Variants in RAF1 observed in about 807,000 individuals in gnomAD.
The protein encoded by RAF1 is RAF proto-oncogene serine/threonine-protein kinase.
A neutral mutation model predicts 81.1 loss-of-function variants in RAF1; 27 were observed. That is an observed-to-expected ratio of 0.33 (90% CI 0.25 to 0.46). The LOEUF is 0.46. Ranked by LOEUF, RAF1 falls within the 20% of genes least tolerant of loss-of-function variation. The pLI is 1.00. For synonymous variants in RAF1, 298 were observed against 294.0 expected (o/e 1.01, Z -0.14); for missense variants, 598 against 826.0 (o/e 0.72, Z 3.38).
intron 10 of RAF1, 124 bp from the exon 10 acceptor site, chr3:12,599,932 A>T: frequency 5.0e-6 from 6 of 1,191,054 alleles, no homozygotes; most frequent in Non-Finnish European, 6.2e-6. Flanking sequence ...CATATTAACC[A>T]TACTTCCAAT....
At position 12,612,054 on chromosome 3, in the gene RAF1, C is replaced by T. The variant is rs750296170; in HGVS notation, c.216G>A (p.Val72=). The T allele has an allele frequency of 6.2e-6, 10 of 1,613,978 alleles. No homozygotes were observed. The highest frequency in any genetic ancestry group is 1.1e-5 in the South Asian group (1 of 91,084). Residue 72 remains valine (V), a synonymous_variant, in exon 3 of 18, where the codon GTG becomes GTA. Coordinates refer to ENST00000442415, the MANE Select transcript of RAF1 (RefSeq NM_001354689.3). ...AGTCATGCAAGCTCATTCCATTTCG[C>T]ACATTGACCTACAAACAAAGGACCA... is the stretch of plus-strand genomic sequence containing the variant.
chr3:12,583,902 C>T lies in RAF1; in HGVS notation c.*612G>A. ...GCTGAGATGCGGATTGGCCGAGTGC[C>T]TTGCCTGGAAAACCATCCCAATGCA... On this transcript the variant is annotated 3_prime_UTR_variant, in exon 18 of 18. Coordinates refer to ENST00000442415, the MANE Select transcript of RAF1 (RefSeq NM_001354689.3). The T allele has an allele frequency of 4.3e-6, 1 of 235,278 alleles. No individual in the cohort carries two copies. Among genetic ancestry groups the T allele is most frequent in the East Asian group, 6.0e-5 (1 of 16,620 alleles). 14.6% of individuals were successfully genotyped at this position (235,278 alleles called of 1,614,324 possible). A position where few individuals can be genotyped will look rare whatever the true frequency, so the allele number is the denominator to read the frequency against.
At chr3:12,611,659 C>T (rs572606621) in intron 3 of RAF1, among the ~76,000 whole-genome samples, 2 of 152,182 alleles carry the variant, frequency 1.3e-5, no homozygotes, top group East Asian at 3.9e-4. Context: ...GAGATCGCGC[C>T]ACTGCACTCC....
At chr3:12,647,938 T>C (rs2060406236) in intron 1 of RAF1, among the ~76,000 whole-genome samples, 1 of 152,228 alleles carries the variant, frequency 6.6e-6, no homozygotes, top group Non-Finnish European at 1.5e-5. Context: ...TTTAAAAGTG[T>C]AACTTTAAAA....
At chr3:12,623,717 C>G (rs998517977) in intron 1 of RAF1, among the ~76,000 whole-genome samples, 7 of 148,440 alleles carry the variant, frequency 4.7e-5, no homozygotes, top group Non-Finnish European at 8.9e-5. Context: ...TGGCATGAAC[C>G]TGGGAGGCGG....
rs140195748 is a variant in RAF1, at chr3:12,638,852, A to G, written c.-26-20105T>C. 4.3e-3 allele frequency among the ~76,000 whole-genome samples: 658 copies of G among 152,330 alleles called. 7 individuals carry two copies. The highest frequency in any genetic ancestry group is 0.014 in the African/African-American group (603 of 41,592). ...GGAGTTCGAGACCAACCTGGCCAAC[A>G]CGGCCTAAAAATACAAAAAAAGAAA... On this transcript the variant is annotated intron_variant, in intron 1 of 17. Transcript: ENST00000442415.
At chr3:12,624,897 AAAAAAC>A (rs1559456484) in intron 1 of RAF1, among the ~76,000 whole-genome samples, 38 of 139,028 alleles carry the variant, frequency 2.7e-4, no homozygotes, top group Middle Eastern at 3.7e-3. Flanking sequence ...AAAAAAAAAA[AAAAAAC>A]AAAAACAAAA....
chr3:12,604,038 A>G (rs779868312), intron 7 of RAF1, 98 bp downstream of exon 7: 76 of 1,373,992 alleles, frequency 5.5e-5, no homozygotes, highest in Non-Finnish European at 7.7e-5. Flanking sequence ...AAGTGTTGCA[A>G]CATTCCTTGA....
rs1209637576 is a variant in RAF1 at position 12,583,935 on chromosome 3, CCTT to C, written c.*576_*578del. On this transcript the variant is annotated 3_prime_UTR_variant, in exon 18 of 18. Transcript: ENST00000442415. ...GAAAACCATCCCAATGCACTGGACA[CCTT>C]AGAAGCTGTGAAAGGAGGACGTGTC... 2.1e-5 allele frequency: 5 copies of C among 242,350 alleles called. No individual in the cohort carries two copies. The highest frequency in any genetic ancestry group is 4.1e-5 in the Non-Finnish European group (5 of 122,686). 15.0% of individuals were successfully genotyped at this position (242,350 alleles called of 1,614,324 possible). A position where few individuals can be genotyped will look rare whatever the true frequency, so the allele number is the denominator to read the frequency against.
intron 3 of RAF1, 138 bp from the exon 4 acceptor site, chr3:12,609,473 A>G: frequency 1.5e-6 from 1 of 665,040 alleles, no homozygotes; most frequent in Non-Finnish European, 2.7e-6. Flanking sequence ...TTTAATTCAT[A>G]CAACAAACCT....
intron 1 of RAF1, among the ~76,000 whole-genome samples, chr3:12,625,652 G>T (rs2059681048): frequency 6.6e-6 from 1 of 151,996 alleles, no homozygotes; most frequent in African/African-American, 2.4e-5. Flanking sequence ...GACCTCCCAG[G>T]AAAGAATACT....
chr3:12,599,373 CA>C (rs1368669215), intron 11 of RAF1: 3 of 341,006 alleles, frequency 8.8e-6, no homozygotes, highest in Admixed American at 4.3e-5. Context: ...TCCATAGCAG[CA>C]GACTCTTGCT....
rs1470940163 is a variant in RAF1 at position 12,583,615 on chromosome 3, A to AATTT, written c.*895_*898dup. On this transcript the variant is annotated 3_prime_UTR_variant, in exon 18 of 18. Coordinates refer to ENST00000442415, the MANE Select transcript of RAF1 (RefSeq NM_001354689.3). The stretch of plus-strand genomic sequence containing the variant: ...ACAGCCAGCCATTACACCTAAATTT[A>AATTT]ATTTATTTTATTAAAATAACATAAT... 8.6e-6 allele frequency: 2 copies of AATTT among 231,688 alleles called. No homozygotes were observed. The highest frequency in any genetic ancestry group is 6.1e-5 in the East Asian group (1 of 16,334). 14.4% of individuals were successfully genotyped at this position (231,688 alleles called of 1,614,324 possible). A position where few individuals can be genotyped will look rare whatever the true frequency, so the allele number is the denominator to read the frequency against.
At chr3:12,647,697 T>G (rs2060397741) in intron 1 of RAF1, among the ~76,000 whole-genome samples, 1 of 152,206 alleles carries the variant, frequency 6.6e-6, no homozygotes, top group South Asian at 2.1e-4. Context: ...TGAGCAAATA[T>G]GCTCAAATGT....
intron 1 of RAF1, among the ~76,000 whole-genome samples, chr3:12,658,065 C>G (rs929069506): frequency 6.6e-6 from 1 of 152,062 alleles, no homozygotes; most frequent in African/African-American, 2.4e-5. Context: ...TAGTATACAC[C>G]AGTACATCCT....
intron 1 of RAF1, among the ~76,000 whole-genome samples, chr3:12,634,010 T>C (rs903492707): frequency 6.6e-6 from 1 of 150,698 alleles, no homozygotes; most frequent in African/African-American, 2.4e-5. Flanking sequence ...GAAGACATAA[T>C]GGAGCAAAGC....
intron 11 of RAF1, chr3:12,598,991 T>C (rs1038338162): frequency 6.6e-6 from 1 of 152,232 alleles, no homozygotes; most frequent in Non-Finnish European, 1.5e-5. Context: ...GAAATACCTA[T>C]TATTTCCCAA....
chr3:12,611,891 A>G, intron 3 of RAF1, 59 bp downstream of exon 3: 1 of 1,181,448 alleles, frequency 8.5e-7, no homozygotes, highest in Non-Finnish European at 1.3e-6. Context: ...AAACATAGCT[A>G]TTTGAAGCTA....
At chr3:12,605,104 G>A (rs1031768396) in intron 6 of RAF1, among the ~76,000 whole-genome samples, 3 of 151,846 alleles carry the variant, frequency 2.0e-5, no homozygotes, top group Non-Finnish European at 4.4e-5. Context: ...ACAAATTCTT[G>A]GTCAGATTTG....
Sources: gnomAD v4.1 joint callset for allele counts (sites outside exome capture counted in the v4.1 genomes callset) on GRCh38, gnomAD v4.1.1 for gene constraint, MANE v1.5 for transcripts, NCBI Gene and HGNC (gene_info 2026-07-23, HGNC 2026-07-21) for gene names.